RSPH14: variants seen among roughly 807,000 people sequenced by gnomAD.
RSPH14 encodes the protein radial spoke head 14 homolog.
RSPH14 carries 20 observed loss-of-function variants against 26.7 expected under a neutral mutation model. The observed-to-expected ratio is 0.75, with a 90% CI of 0.53 to 1.09. The LOEUF (loss-of-function observed/expected upper bound fraction) is 1.09, where lower values mean the gene tolerates loss of function less well. Among genes scored for constraint, RSPH14 ranks in the 50% least tolerant of loss-of-function variants. RSPH14 has a pLI of 0.00. For synonymous variants in RSPH14, 177 were observed against 189.3 expected, an observed-to-expected ratio of 0.93 and a Z score of 0.53; for missense variants, 449 against 457.2, an observed-to-expected ratio of 0.98 and a Z score of 0.16.
At chr22:23,088,396 A>G (rs2068873714) in intron 4 of RSPH14, among the ~76,000 whole-genome samples, 1 of 152,298 alleles carries the variant, frequency 6.6e-6, no homozygotes, top group African/African-American at 2.4e-5. Flanking sequence ...GAGATCTGTC[A>G]CTGCGCGGGC....
the RSPH14 span, among the ~76,000 whole-genome samples, chr22:23,160,486 G>C: frequency 6.6e-6 from 1 of 152,220 alleles, no homozygotes; most frequent in Non-Finnish European, 1.5e-5. Flanking sequence ...CAGCCCCACC[G>C]GACAGGTATG....
the RSPH14 span, chr22:23,161,658 C>A: frequency 2.6e-6 from 3 of 1,137,204 alleles, no homozygotes; most frequent in Non-Finnish European, 3.8e-6. Flanking sequence ...AGCTCTGCAG[C>A]GTGTCGCCCT....
the RSPH14 span, among the ~76,000 whole-genome samples, chr22:23,165,041 G>A: frequency 6.6e-6 from 1 of 152,036 alleles, no homozygotes; most frequent in Admixed American, 6.6e-5. Flanking sequence ...CACAGCTCTC[G>A]CAGCACTTGA....
rs890128153 is a variant in RSPH14, at chr22:23,111,228, C to T, written c.421+22798G>A. On this transcript the variant is annotated intron_variant, in intron 4 of 6. Transcript: ENST00000216036. ...TCTCCCAGTCCCATTACCTGTCATG[C>T]ATCCTAAGCTCCTGAGGACAGAGAA... 2.0e-5 allele frequency among the ~76,000 whole-genome samples: 3 copies of T among 152,222 alleles called. 1 individual carries two copies. Among genetic ancestry groups the T allele is most frequent in the African/African-American group, 4.8e-5 (2 of 41,460 alleles).
At chr22:23,060,157 C>T (rs913982711) in intron 6 of RSPH14, among the ~76,000 whole-genome samples, 2 of 152,062 alleles carry the variant, frequency 1.3e-5, no homozygotes, top group African/African-American at 4.8e-5. Context: ...GGGTGACACA[C>T]TGAGACACTG....
chr22:23,061,498 C>T (rs2068090787), intron 6 of RSPH14, among the ~76,000 whole-genome samples: 1 of 152,230 alleles, frequency 6.6e-6, no homozygotes, highest in East Asian at 1.9e-4. Flanking sequence ...ACTAATCAAC[C>T]CTTGAGTCAC....
At chr22:23,096,522 C>A (rs1158467684) in intron 4 of RSPH14, 7 of 1,226,370 alleles carry the variant, frequency 5.7e-6, no homozygotes, top group Non-Finnish European at 8.0e-6. Context: ...AGAAAGGGAA[C>A]CAGGCGCAGG....
the RSPH14 span, among the ~76,000 whole-genome samples, chr22:23,170,962 C>CT: frequency 6.6e-6 from 1 of 151,702 alleles, no homozygotes; most frequent in Non-Finnish European, 1.5e-5. Context: ...GCCTGTTGCA[C>CT]TTTCTTTTTT....
At chr22:23,106,103 G>T (rs181340835) in intron 4 of RSPH14, among the ~76,000 whole-genome samples, 1 of 152,214 alleles carries the variant, frequency 6.6e-6, no homozygotes, top group Admixed American at 6.5e-5. Context: ...CTCCAGTCAC[G>T]TGACTCCCGC....
intron 4 of RSPH14, among the ~76,000 whole-genome samples, chr22:23,109,654 C>T (rs935884989): frequency 1.8e-4 from 27 of 152,160 alleles, no homozygotes; most frequent in African/African-American, 2.4e-4. Flanking sequence ...CAGAGCCCTC[C>T]GTGCAGGCAG....
chr22:23,158,184 G>T, the RSPH14 span: 15 of 1,498,136 alleles, frequency 1.0e-5, no homozygotes, highest in East Asian at 2.3e-5. Flanking sequence ...AGCTGCCCAC[G>T]GACTACTTAC....
At chr22:23,061,768 T>TGCTA in intron 6 of RSPH14, 41 bp downstream of exon 6, 1 of 1,610,342 alleles carries the variant, frequency 6.2e-7, no homozygotes, top group Non-Finnish European at 8.5e-7. Context: ...GCTGCTAGCC[T>TGCTA]GCTAGGGTCT....
Position 23,061,849 on chromosome 22 carries a change from G to A in RSPH14, c.750C>T (p.Asn250=), listed in dbSNP as rs567774889. Residue 250 remains asparagine (N), a synonymous_variant, in exon 6 of 7, where the codon AAC becomes AAT. Transcript: ENST00000216036. ...LKDPVEHVKS[N]AAGALMFATV... is the part of the protein sequence containing the mutation. ...TGGCGAACATCAGGGCACCGGCAGC[G>A]TTAGACTTCACATGCTCCACTGGGT... is the stretch of plus-strand genomic sequence containing the variant. 75 of 1,614,156 alleles carry A rather than the reference G, an allele frequency of 4.6e-5. No individual in the cohort carries two copies. Among genetic ancestry groups the A allele is most frequent in the Admixed American group, 2.8e-4 (17 of 60,024 alleles).
chr22:23,131,935 A>G (rs2070367407), intron 4 of RSPH14, among the ~76,000 whole-genome samples: 1 of 152,134 alleles, frequency 6.6e-6, no homozygotes, highest in Non-Finnish European at 1.5e-5. Flanking sequence ...CTGGAAGAAG[A>G]TGTGCTTCAG....
At chr22:23,123,483 G>A (rs373931380) in intron 4 of RSPH14, 20 of 1,216,358 alleles carry the variant, frequency 1.6e-5, no homozygotes, top group African/African-American at 1.3e-4. Flanking sequence ...GGGGTGTCAT[G>A]CCCCAACGCG....
upstream of RSPH14, among the ~76,000 whole-genome samples, chr22:23,147,607 A>G (rs1416574447): frequency 1.3e-5 from 2 of 152,200 alleles, no homozygotes; most frequent in East Asian, 3.8e-4. Flanking sequence ...CACTGGGATT[A>G]TAGGTGTGGA....
At chr22:23,172,652 C>CA in the RSPH14 span, among the ~76,000 whole-genome samples, 145 of 45,248 alleles carry the variant, frequency 3.2e-3, no homozygotes, top group Middle Eastern at 0.018. Flanking sequence ...GAATCCGTCT[C>CA]AAAAAAAAAA....
At chr22:23,116,808 T>C (rs1217419381) in intron 4 of RSPH14, among the ~76,000 whole-genome samples, 2 of 151,898 alleles carry the variant, frequency 1.3e-5, no homozygotes, top group Admixed American at 6.6e-5. Flanking sequence ...GGGAGGTGTT[T>C]AGGCTGTGAC....
chr22:23,074,015 G>A (rs969274528), intron 4 of RSPH14, among the ~76,000 whole-genome samples: 2 of 152,126 alleles, frequency 1.3e-5, no homozygotes, highest in South Asian at 2.1e-4. Flanking sequence ...GTGCAAAGGC[G>A]CTGAGCAGAC....
Sources: gnomAD v4.1 joint callset for allele counts (sites outside exome capture counted in the v4.1 genomes callset) on GRCh38, gnomAD v4.1.1 for gene constraint, MANE v1.5 for transcripts, NCBI Gene and HGNC (gene_info 2026-07-23, HGNC 2026-07-21) for gene names.